The following OPRM1 variants were observed in gnomAD, a reference collection of about 807,000 sequenced individuals.
OPRM1 encodes the protein opioid receptor mu 1.
OPRM1 carries 27 observed loss-of-function variants against 31.8 expected under a neutral mutation model. The observed-to-expected ratio is 0.85, with a 90% CI of 0.63 to 1.17. The LOEUF (loss-of-function observed/expected upper bound fraction) is 1.17, where lower values mean the gene tolerates loss of function less well. Among genes scored for constraint, OPRM1 ranks in the 50% most tolerant of loss-of-function variants. The probability of loss-of-function intolerance (pLI) is 0.00; values close to 1 mark genes in which losing one functional copy is unlikely to be tolerated. For missense variants in OPRM1, 536 were observed against 511.1 expected, an observed-to-expected ratio of 1.05 and a Z score of -0.47; for synonymous variants, 196 against 189.9, an observed-to-expected ratio of 1.03 and a Z score of -0.26.
chr6:154,028,706 G>C (rs904166175), intron 1 of OPRM1, among the ~76,000 whole-genome samples: 22 of 152,306 alleles, frequency 1.4e-4, no homozygotes, highest in African/African-American at 5.1e-4. Context: ...CATCAACTGA[G>C]TTGGTCCGGT....
intron 3 of OPRM1, chr6:154,212,709 G>T: frequency 8.9e-7 from 1 of 1,121,726 alleles, no homozygotes; most frequent in Non-Finnish European, 1.3e-6. Flanking sequence ...CTATTCAATT[G>T]GAAGAAATGA....
At chr6:154,176,361 T>C (rs1800328889) in intron 3 of OPRM1, among the ~76,000 whole-genome samples, 1 of 152,150 alleles carries the variant, frequency 6.6e-6, no homozygotes, top group Admixed American at 6.5e-5. Flanking sequence ...TGTATTCAAT[T>C]AGGAAAAGAG....
chr6:154,187,243 A>G (rs1459680275), intron 3 of OPRM1, among the ~76,000 whole-genome samples: 1 of 151,882 alleles, frequency 6.6e-6, no homozygotes, highest in African/African-American at 2.4e-5. Flanking sequence ...ACCCCACCCC[A>G]TACCCCACCT....
intron 3 of OPRM1, among the ~76,000 whole-genome samples, chr6:154,166,700 GCT>G (rs2128552828): frequency 6.6e-6 from 1 of 151,574 alleles, no homozygotes; most frequent in East Asian, 1.9e-4. Flanking sequence ...TAGAATAGTG[GCT>G]GGTACATAGT....
At chr6:154,096,676 C>T (rs1036959461) in intron 3 of OPRM1, among the ~76,000 whole-genome samples, 2 of 152,082 alleles carry the variant, frequency 1.3e-5, no homozygotes, top group South Asian at 2.1e-4. Context: ...TAAGAAAATG[C>T]TCAGGGAAGT....
At chr6:154,167,477 T>C (rs1799533889) in intron 3 of OPRM1, among the ~76,000 whole-genome samples, 1 of 152,212 alleles carries the variant, frequency 6.6e-6, no homozygotes, top group African/African-American at 2.4e-5. Flanking sequence ...CATTTCCTTC[T>C]GGATGCAGTC....
chr6:154,192,024 T>C (rs4637654), intron 3 of OPRM1, among the ~76,000 whole-genome samples: 14,396 of 152,098 alleles, frequency 0.095, 1,076 homozygotes, highest in African/African-American at 0.21. Flanking sequence ...AGTAAAACAA[T>C]GGAGTACTAT....
At chr6:154,157,046 C>G (rs1223209531) in intron 3 of OPRM1, 3 of 152,216 alleles carry the variant, frequency 2.0e-5, no homozygotes, top group Non-Finnish European at 4.4e-5. Context: ...GCCCTTGGAC[C>G]CCAGGAAACT....
upstream of OPRM1, among the ~76,000 whole-genome samples, chr6:154,034,596 T>C (rs1779193391): frequency 6.6e-6 from 1 of 152,028 alleles, no homozygotes; most frequent in Non-Finnish European, 1.5e-5. Context: ...GAAATGTTTT[T>C]ATAGAGCTCT....
At chr6:154,035,181 T>C (rs1041340245), upstream of OPRM1, among the ~76,000 whole-genome samples, 2 of 152,136 alleles carry the variant, frequency 1.3e-5, no homozygotes, top group Non-Finnish European at 2.9e-5. Context: ...AGGAAGTAAA[T>C]AGTTGAGACT....
intron 3 of OPRM1, among the ~76,000 whole-genome samples, chr6:154,095,471 G>A (rs940577060): frequency 6.6e-6 from 1 of 152,096 alleles, no homozygotes; most frequent in Non-Finnish European, 1.5e-5. Flanking sequence ...CCCTCTTACC[G>A]TCAGTAATGG....
intron 3 of OPRM1, among the ~76,000 whole-genome samples, chr6:154,208,340 G>T (rs1056003623): frequency 1.4e-4 from 22 of 152,096 alleles, no homozygotes; most frequent in African/African-American, 5.3e-4. Flanking sequence ...TATCCACTTG[G>T]CTGACTCTCA....
intron 3 of OPRM1, among the ~76,000 whole-genome samples, chr6:154,174,770 GA>G (rs775683599): frequency 2.8e-4 from 43 of 152,132 alleles, no homozygotes; most frequent in Admixed American, 1.6e-3. Context: ...CAACAAGACA[GA>G]AAATTAACAA....
At chr6:154,081,482 G>T (rs1789133469) in intron 1 of OPRM1, among the ~76,000 whole-genome samples, 1 of 151,958 alleles carries the variant, frequency 6.6e-6, no homozygotes, top group Non-Finnish European at 1.5e-5. Flanking sequence ...CTCCAGCCTG[G>T]GCAACAGAGT....
chr6:154,159,913 G>A lies in OPRM1; in HGVS notation c.1164+68441G>A, dbSNP rs116489715. On this transcript the variant is annotated intron_variant, in intron 3 of 3. Coordinates refer to the OPRM1 transcript ENST00000337049. Reference sequence around the variant, plus strand: ...ATCAGTGTCATCAGGGGCAGGCGAAGCCCGCTGCTGCTGATAGATGTCCTG... The same window carrying A: ...ATCAGTGTCATCAGGGGCAGGCGAAACCCGCTGCTGCTGATAGATGTCCTG... 7.0e-4 allele frequency: 1,123 copies of A among 1,613,748 alleles called. 7 individuals carry two copies. The highest frequency in any genetic ancestry group is 5.2e-3 in the Middle Eastern group (31 of 5,974).
chr6:154,110,458 G>A, intron 3 of OPRM1: 2 of 1,262,034 alleles, frequency 1.6e-6, no homozygotes, highest in Non-Finnish European at 2.3e-6. Context: ...GGAAGCCAGA[G>A]AGCCTGGGTT....
chr6:154,118,084 C>A (rs1374654436), intron 3 of OPRM1, among the ~76,000 whole-genome samples: 9 of 152,262 alleles, frequency 5.9e-5, no homozygotes, highest in African/African-American at 2.2e-4. Flanking sequence ...TCTGTTTCCA[C>A]AGTCCTCTTT....
chr6:154,039,456 G>A lies in OPRM1; in HGVS notation c.-89G>A, dbSNP rs201796075. 71 of 1,552,506 alleles carry A rather than the reference G, an allele frequency of 4.6e-5. No homozygotes were observed. The highest frequency in any genetic ancestry group is 6.0e-5 in the Non-Finnish European group (69 of 1,147,514). ...AAACAGCAGGAGCTGTGGCAGCGGC[G>A]AAAGGAAGCGGCTGAGGCGCTTGGA... On this transcript the variant is annotated 5_prime_UTR_variant, in exon 1 of 4. Coordinates refer to ENST00000330432, the MANE Select transcript of OPRM1 (RefSeq NM_000914.5).
chr6:154,113,078 A>G (rs891364481), intron 3 of OPRM1, among the ~76,000 whole-genome samples: 1 of 152,248 alleles, frequency 6.6e-6, no homozygotes, highest in Non-Finnish European at 1.5e-5. Context: ...TGGCTACCAT[A>G]CAAATTCTCC....
Sources: gnomAD v4.1 joint callset for allele counts (sites outside exome capture counted in the v4.1 genomes callset) on GRCh38, gnomAD v4.1.1 for gene constraint, MANE v1.5 for transcripts, NCBI Gene and HGNC (gene_info 2026-07-23, HGNC 2026-07-21) for gene names.